Variants in PTPRU observed in about 807,000 individuals in gnomAD.
PTPRU encodes the protein protein tyrosine phosphatase receptor type U.
Under a neutral mutation model 166.3 loss-of-function variants are expected in PTPRU, and 69 were observed. That is an observed-to-expected ratio of 0.41 (90% CI 0.34 to 0.51). The LOEUF (loss-of-function observed/expected upper bound fraction) is 0.51. Ranked by LOEUF, PTPRU falls within the 20% of genes least tolerant of loss-of-function variation. PTPRU has a pLI of 0.09. For missense variants in PTPRU, 1,657 were observed against 2,013.7 expected, an observed-to-expected ratio of 0.82 and a Z score of 3.39; for synonymous variants, 793 against 814.0, an observed-to-expected ratio of 0.97 and a Z score of 0.44.
At chr1:29,247,937 C>T (rs1268691600) in intron 1 of PTPRU, among the ~76,000 whole-genome samples, 1 of 152,188 alleles carries the variant, frequency 6.6e-6, no homozygotes, top group African/African-American at 2.4e-5. Flanking sequence ...GCTATGGTGA[C>T]TCCTGGGTGA....
intron 1 of PTPRU, among the ~76,000 whole-genome samples, chr1:29,246,650 C>A (rs1376968472): frequency 6.6e-6 from 1 of 151,914 alleles, no homozygotes; most frequent in Admixed American, 6.6e-5. Flanking sequence ...GAATCTCACT[C>A]TGTTGGCCAG....
At chr1:29,239,598 T>C (rs894167996) in intron 1 of PTPRU, among the ~76,000 whole-genome samples, 3 of 152,110 alleles carry the variant, frequency 2.0e-5, no homozygotes, top group Non-Finnish European at 4.4e-5. Flanking sequence ...CATCCTTCCA[T>C]GATTTTCATC....
chr1:29,258,593 CTG>C lies in PTPRU; in HGVS notation c.299_300del (p.Val100AlafsTer24). 1 of 1,614,270 alleles carries C rather than the reference CTG, an allele frequency of 6.2e-7. No individual in the cohort carries two copies. The highest frequency in any genetic ancestry group is 8.5e-7 in the Non-Finnish European group (1 of 1,180,040). ...FQSLSENDTH[C>X]VQFSYFLYSR... is the part of the protein sequence containing the mutation. Reference sequence around the variant, plus strand: ...AGAGCCTGAGCGAGAATGATACCCACTGTGTGCAGTTCAGCTACTTCCTGTAC... The same window carrying C: ...AGAGCCTGAGCGAGAATGATACCCACTGTGCAGTTCAGCTACTTCCTGTAC... On this transcript the variant is annotated frameshift_variant, in exon 3 of 30. Coordinates refer to ENST00000373779, the MANE Select transcript of PTPRU (RefSeq NM_133178.4). LOFTEE classifies it high-confidence loss of function.
rs1170270692 is a variant in PTPRU, at chr1:29,312,547, C to T, written c.3073-5C>T. The T allele has an allele frequency of 6.3e-7, 1 of 1,581,394 alleles. No individual in the cohort carries two copies. Among genetic ancestry groups the T allele is most frequent in the Non-Finnish European group, 8.7e-7 (1 of 1,154,634 alleles). On this transcript the variant is annotated splice_region_variant and splice_polypyrimidine_tract_variant and intron_variant, in intron 21 of 29. Coordinates refer to ENST00000373779, the MANE Select transcript of PTPRU (RefSeq NM_133178.4). ...CTCTGATTATTATTCCCATTGTCTC[C>T]CCAGAGAGGCTACTCTGCCCGGCAC...
chr1:29,283,080 ACCTCCCATAGCTCCT>A (rs1686167285), intron 12 of PTPRU, 131 bp downstream of exon 12: 2 of 1,286,256 alleles, frequency 1.6e-6, no homozygotes, highest in East Asian at 4.9e-5. Flanking sequence ...CCATAGCCCC[ACCTCCCATAGCTCCT>A]CCTCCTACAG....
intron 25 of PTPRU, among the ~76,000 whole-genome samples, chr1:29,319,933 CT>C (rs1337990957): frequency 6.6e-6 from 1 of 152,164 alleles, no homozygotes; most frequent in Non-Finnish European, 1.5e-5. Flanking sequence ...GCCAGCCCCC[CT>C]GGCAGGACGA....
chr1:29,275,918 G>T (rs1446859092), intron 8 of PTPRU, among the ~76,000 whole-genome samples, 162 bp downstream of exon 8: 1 of 152,184 alleles, frequency 6.6e-6, no homozygotes, highest in Non-Finnish European at 1.5e-5. Flanking sequence ...TTCTCTGGAA[G>T]ACTTTGGGTT....
intron 17 of PTPRU, 72 bp downstream of exon 17, chr1:29,304,921 G>T: frequency 7.1e-7 from 1 of 1,404,382 alleles, no homozygotes; most frequent in East Asian, 2.4e-5. Context: ...ACACAGCCAG[G>T]GTGAGCTGGG....
intron 26 of PTPRU, 79 bp from the exon 27 acceptor site, chr1:29,323,292 G>A: frequency 1.3e-6 from 2 of 1,534,722 alleles, no homozygotes; most frequent in South Asian, 1.2e-5. Flanking sequence ...CAAGTGTGGA[G>A]CCCTTGGGGT....
At chr1:29,269,238 ATATATATATTTTTTTTTTTTTT>A (rs1685440442) in intron 7 of PTPRU, among the ~76,000 whole-genome samples, 1 of 33,452 alleles carries the variant, frequency 3.0e-5, no homozygotes, top group South Asian at 1.7e-3. Context: ...ATATATATAT[ATATATATATTTTTTTTTTTTTT>A]TTTTTTTTTT....
At chr1:29,243,669 G>A (rs111451502) in intron 1 of PTPRU, among the ~76,000 whole-genome samples, 13 of 152,324 alleles carry the variant, frequency 8.5e-5, no homozygotes, top group African/African-American at 2.4e-4. Flanking sequence ...AATGTGCTGC[G>A]GTTTTCCATC....
At chr1:29,294,350 A>G (rs1422052015) in intron 15 of PTPRU, among the ~76,000 whole-genome samples, 3 of 152,248 alleles carry the variant, frequency 2.0e-5, no homozygotes, top group Non-Finnish European at 2.9e-5. Flanking sequence ...TCAAGTCATC[A>G]ATGGCCATTC....
Position 29,260,380 on chromosome 1 carries a change from A to G in PTPRU, c.851-230A>G. On this transcript the variant is annotated intron_variant, in intron 6 of 29. Coordinates refer to ENST00000373779, the MANE Select transcript of PTPRU (RefSeq NM_133178.4). The surrounding 1 kb of genome is among the most constrained non-coding windows in gnomAD (Gnocchi z 8.3). The stretch of plus-strand genomic sequence containing the variant: ...TGTGGGGGATTAGGAGGGGCCTGAG[A>G]GAGGGGTTGTGGGCTGATGGGCGAG... The G allele has an allele frequency of 2.1e-6, 1 of 466,904 alleles. No individual in the cohort carries two copies. The allele number at this position is 466,904 out of a possible 1,614,324, so 28.9% of individuals were successfully genotyped here. A position where few individuals can be genotyped will look rare whatever the true frequency, so the allele number is the denominator to read the frequency against.
At chr1:29,251,399 T>C (rs940642264) in intron 1 of PTPRU, among the ~76,000 whole-genome samples, 2 of 152,176 alleles carry the variant, frequency 1.3e-5, no homozygotes, top group East Asian at 3.9e-4. Flanking sequence ...TGTGCAGGTC[T>C]GGGGTCAGTC....
In PTPRU at chr1:29,259,550, C is replaced by G. The variant is rs759835384; in HGVS notation, c.661C>G (p.Arg221Gly). ...MAAGRAAEAE[R>G]FLLQRQSGAL... ...CGCGGGCAGAGCGGCCGAGGCCGAA[C>G]GCTTCCTCTTGCAAGTGAGCGGGAG... Residue 221 changes from arginine to glycine, a missense_variant, in exon 5 of 30, where the codon CGC becomes GGC. Arg to Gly is a moderately radical substitution (Grantham distance 125). Coordinates refer to ENST00000373779, the MANE Select transcript of PTPRU (RefSeq NM_133178.4). 16 of 1,376,368 alleles carry G rather than the reference C, an allele frequency of 1.2e-5. No individual in the cohort carries two copies. In the African/African-American group the frequency reaches 2.4e-4, roughly 21 times the overall value. The allele number at this position is 1,376,368 out of a possible 1,614,324, so 85.3% of individuals were successfully genotyped here.
At chr1:29,321,196 ATT>A (rs71025210) in intron 26 of PTPRU, among the ~76,000 whole-genome samples, 1,628 of 100,320 alleles carry the variant, frequency 0.016, 28 homozygotes, top group African/African-American at 0.058. Flanking sequence ...CAGCTGTCTG[ATT>A]TTTTTTTTTT....
rs1253557649 is a variant in PTPRU at position 29,311,773 on chromosome 1, C to A, written c.3072+14C>A. 3.7e-6 allele frequency: 6 copies of A among 1,606,834 alleles called. No individual in the cohort carries two copies. The highest frequency in any genetic ancestry group is 5.1e-6 in the Non-Finnish European group (6 of 1,174,360). ...GCCCTGGAGCGGGTGAGTCTCCCCA[C>A]CGCCTGTTCCCTGCAGAGGGTGCCT... On this transcript the variant is annotated intron_variant, in intron 21 of 29. Transcript: ENST00000373779. This position sits in a 1 kb window ranked among gnomAD's most constrained non-coding sequence, Gnocchi z 4.1.
intron 7 of PTPRU, among the ~76,000 whole-genome samples, chr1:29,269,796 C>G (rs540307813): frequency 1.2e-4 from 18 of 152,280 alleles, no homozygotes; most frequent in African/African-American, 4.3e-4. Context: ...ATTTTTCTGA[C>G]TTCTTCACAT....
chr1:29,279,969 G>C lies in PTPRU; in HGVS notation c.1766-70G>C. On this transcript the variant is annotated intron_variant, in intron 10 of 29. Transcript: ENST00000373779. The surrounding 1 kb of genome is among the most constrained non-coding windows in gnomAD (Gnocchi z 5.2). ...GGGGAGATCTGAGGACTGTGGTCAA[G>C]GAGGCTGGAAGCCTGGTCTTCCTGG... is the stretch of plus-strand genomic sequence containing the variant. 6.8e-7 allele frequency: 1 copy of C among 1,461,782 alleles called. No homozygotes were observed. Among genetic ancestry groups the C allele is most frequent in the Non-Finnish European group, 9.5e-7 (1 of 1,050,638 alleles). 90.6% of individuals were successfully genotyped at this position (1,461,782 alleles called of 1,614,324 possible). A position where few individuals can be genotyped will look rare whatever the true frequency, so the allele number is the denominator to read the frequency against.
Sources: gnomAD v4.1 joint callset for allele counts (sites outside exome capture counted in the v4.1 genomes callset) on GRCh38, gnomAD v4.1.1 for gene constraint, Gnocchi (gnomAD v3.1) non-coding constraint, MANE v1.5 for transcripts, NCBI Gene and HGNC (gene_info 2026-07-23, HGNC 2026-07-21) for gene names.